The following ACAP2 variants were observed in gnomAD, a reference collection of about 807,000 sequenced individuals.
The protein encoded by ACAP2 is arf-GAP with coiled-coil, ANK repeat and PH domain-containing protein 2.
A neutral mutation model predicts 115.8 loss-of-function variants in ACAP2; 39 were observed. The ratio of observed to expected loss-of-function variants is 0.34; its 90% CI spans 0.26 to 0.44. The LOEUF (loss-of-function observed/expected upper bound fraction) is 0.44. ACAP2 is among the 20% of genes least tolerant of loss of function. The probability of loss-of-function intolerance (pLI) is 1.00; values close to 1 mark genes in which losing one functional copy is unlikely to be tolerated. For missense variants in ACAP2, 662 were observed against 927.6 expected, an observed-to-expected ratio of 0.71 and a Z score of 3.72; for synonymous variants, 289 against 315.8, an observed-to-expected ratio of 0.92 and a Z score of 0.90.
intron 1 of ACAP2, chr3:195,442,350 G>C (rs1219880279): frequency 5.3e-6 from 1 of 187,414 alleles, no homozygotes; most frequent in African/African-American, 2.4e-5. Flanking sequence ...TGAACTGCAA[G>C]AGGATGCCCT....
Position 195,442,854 on chromosome 3 carries a change from T to G in ACAP2, c.-7A>C. The G allele has an allele frequency of 6.6e-7, 1 of 1,514,480 alleles. No homozygotes were observed. The highest frequency in any genetic ancestry group is 1.2e-5 in the South Asian group (1 of 80,320). 93.8% of individuals were successfully genotyped at this position (1,514,480 alleles called of 1,614,324 possible). A position where few individuals can be genotyped will look rare whatever the true frequency, so the allele number is the denominator to read the frequency against. ...AATCCACAGTCATCTTCATCCTGCC[T>G]CCGCCTCGCAGGCGGCGCTGGCAAA... On this transcript the variant is annotated 5_prime_UTR_variant, in exon 1 of 23. Transcript: ENST00000326793.
intron 1 of ACAP2, among the ~76,000 whole-genome samples, chr3:195,396,721 A>G (rs1228796117): frequency 1.5e-5 from 2 of 133,698 alleles, no homozygotes; most frequent in African/African-American, 2.7e-5. Flanking sequence ...CGGGAGGCAG[A>G]GGTTGCAGTG....
Position 195,297,171 on chromosome 3 carries a change from A to G in ACAP2, c.1487+19T>C. 1 of 1,602,860 alleles carries G rather than the reference A, an allele frequency of 6.2e-7. No individual in the cohort carries two copies. Among genetic ancestry groups the G allele is most frequent in the Non-Finnish European group, 8.5e-7 (1 of 1,172,640 alleles). Reference sequence around the variant, plus strand: ...TAGCTATATTCCTAATTAGGGGGAAAAAACAACTGAAATAGTACCTTTGTC... The same window carrying G: ...TAGCTATATTCCTAATTAGGGGGAAGAAACAACTGAAATAGTACCTTTGTC... On this transcript the variant is annotated intron_variant, in intron 16 of 22. Coordinates refer to ENST00000326793, the MANE Select transcript of ACAP2 (RefSeq NM_012287.6).
In ACAP2 at chr3:195,289,190, G is replaced by C; in HGVS notation, c.2105C>G (p.Ala702Gly). ...AGGGTCTTTCCCTTCTTCATCAGTGGCATGTTGATTGGCACCTCGTTTTAG... is the reference window on the plus strand; with the variant it reads ...AGGGTCTTTCCCTTCTTCATCAGTGCCATGTTGATTGGCACCTCGTTTTAG... ...LFLKRGANQH[A>G]TDEEGKDPLS... Residue 702 changes from alanine (A) to glycine (G), a missense_variant, in exon 21 of 23, where the codon GCC becomes GGC. Ala to Gly is a moderately conservative substitution (Grantham distance 60). Transcript: ENST00000326793. 1 of 1,612,934 alleles carries C rather than the reference G, an allele frequency of 6.2e-7. No individual in the cohort carries two copies. Among genetic ancestry groups the C allele is most frequent in the South Asian group, 1.1e-5 (1 of 90,834 alleles).
intron 1 of ACAP2, among the ~76,000 whole-genome samples, chr3:195,425,059 T>G (rs1714579834): frequency 9.9e-6 from 1 of 101,152 alleles, no homozygotes; most frequent in African/African-American, 3.5e-5. Context: ...AAAAAAGAGT[T>G]GATTGAGGTA....
chr3:195,334,286 C>G (rs1730364363), intron 7 of ACAP2, among the ~76,000 whole-genome samples: 1 of 149,264 alleles, frequency 6.7e-6, no homozygotes, highest in Non-Finnish European at 1.5e-5. Context: ...GAAAATTATT[C>G]TGGAATTAGA....
intron 10 of ACAP2, among the ~76,000 whole-genome samples, chr3:195,317,563 ACCAAT>A (rs1729179345): frequency 6.6e-6 from 1 of 152,146 alleles, no homozygotes; most frequent in Admixed American, 6.6e-5. Context: ...TCCTGCGACA[ACCAAT>A]CTTTTGGTTG....
chr3:195,376,054 C>A (rs973152921), intron 4 of ACAP2, among the ~76,000 whole-genome samples: 1 of 152,088 alleles, frequency 6.6e-6, no homozygotes, highest in Non-Finnish European at 1.5e-5. Flanking sequence ...ATGTAGCATA[C>A]CTGACCTGCT....
intron 5 of ACAP2, among the ~76,000 whole-genome samples, chr3:195,344,096 T>C (rs1487879252): frequency 1.3e-5 from 2 of 152,196 alleles, no homozygotes; most frequent in Non-Finnish European, 2.9e-5. Flanking sequence ...TCCACGCCTG[T>C]AGTCCTAACT....
intron 1 of ACAP2, among the ~76,000 whole-genome samples, chr3:195,426,850 G>A (rs1714721154): frequency 6.6e-6 from 1 of 152,148 alleles, no homozygotes; most frequent in African/African-American, 2.4e-5. Context: ...ATTGGGATGG[G>A]GTGAATATGT....
At chr3:195,359,544 T>G (rs2108690019) in intron 4 of ACAP2, among the ~76,000 whole-genome samples, 1 of 152,346 alleles carries the variant, frequency 6.6e-6, no homozygotes, top group Admixed American at 6.5e-5. Flanking sequence ...CTCTGCTCAC[T>G]GCAAGCTCTG....
At chr3:195,376,250 C>T (rs536335635) in intron 4 of ACAP2, among the ~76,000 whole-genome samples, 3 of 152,046 alleles carry the variant, frequency 2.0e-5, no homozygotes, top group Admixed American at 6.5e-5. Flanking sequence ...AAACGCTAGC[C>T]GGGTGTGGTG....
chr3:195,349,907 T>C (rs149515733), intron 4 of ACAP2: 2,969 of 214,078 alleles, frequency 0.014, 41 homozygotes, highest in Middle Eastern at 0.036. Flanking sequence ...TAGGATCCCA[T>C]ATGTGGTTTT....
intron 14 of ACAP2, 83 bp downstream of exon 14, chr3:195,301,883 A>T (rs1728082616): frequency 6.8e-7 from 1 of 1,464,566 alleles, no homozygotes; most frequent in Non-Finnish European, 9.4e-7. Flanking sequence ...GGAAGTGGAA[A>T]AGGGCAACTA....
intron 1 of ACAP2, among the ~76,000 whole-genome samples, chr3:195,417,048 A>T (rs1416153656): frequency 6.7e-6 from 1 of 148,340 alleles, no homozygotes; most frequent in Non-Finnish European, 1.5e-5. Context: ...AATACCTGGG[A>T]CTACAGCTGG....
At chr3:195,286,882 C>G (rs1407217938) in intron 21 of ACAP2, among the ~76,000 whole-genome samples, 2 of 152,240 alleles carry the variant, frequency 1.3e-5, no homozygotes, top group African/African-American at 4.8e-5. Context: ...GAGCTTGTCT[C>G]TCTATATCAT....
chr3:195,288,010 A>C (rs888008770), intron 21 of ACAP2, among the ~76,000 whole-genome samples: 2 of 152,010 alleles, frequency 1.3e-5, no homozygotes, highest in African/African-American at 4.8e-5. Context: ...CTGAGGAGGG[A>C]GAATCGCTTG....
At chr3:195,292,686 C>T (rs960994758) in intron 18 of ACAP2, among the ~76,000 whole-genome samples, 3 of 151,956 alleles carry the variant, frequency 2.0e-5, no homozygotes, top group Non-Finnish European at 2.9e-5. Flanking sequence ...CTTTGGGAGG[C>T]CGAGGGGGGT....
intron 4 of ACAP2, among the ~76,000 whole-genome samples, chr3:195,374,124 C>A (rs1456838819): frequency 6.6e-6 from 1 of 151,804 alleles, no homozygotes; most frequent in African/African-American, 2.4e-5. Context: ...CCAGGTCAGG[C>A]ACTGTCATCC....
Sources: allele counts gnomAD v4.1 joint callset (sites outside exome capture counted in the v4.1 genomes callset), GRCh38; gene constraint gnomAD v4.1.1; transcripts MANE v1.5; gene names NCBI Gene and HGNC (gene_info 2026-07-23, HGNC 2026-07-21).